SDK1: variants seen among roughly 807,000 people sequenced by gnomAD.
The protein encoded by SDK1 is sidekick cell adhesion molecule 1.
Under a neutral mutation model 245.5 loss-of-function variants are expected in SDK1, and 157 were observed. The observed-to-expected ratio is 0.64, with a 90% CI of 0.56 to 0.73. The LOEUF is 0.73. SDK1 is among the 30% of genes least tolerant of loss of function. The pLI, the probability that SDK1 is intolerant of heterozygous loss-of-function variation, is 0.00. For missense variants in SDK1, 3,583 were observed against 3,002.3 expected (o/e 1.19, Z -4.52); for synonymous variants, 1,647 against 1,278.5 (o/e 1.29, Z -6.15).
intron 1 of SDK1, among the ~76,000 whole-genome samples, chr7:3,518,556 C>G (rs1219982030): frequency 6.6e-6 from 1 of 151,814 alleles, no homozygotes; most frequent in Non-Finnish European, 1.5e-5. Context: ...AATACATATA[C>G]ATGAGCAACA....
intron 4 of SDK1, among the ~76,000 whole-genome samples, chr7:3,648,509 C>G (rs1331627213): frequency 6.6e-6 from 1 of 152,182 alleles, no homozygotes; most frequent in Non-Finnish European, 1.5e-5. Context: ...TAAACAGCAT[C>G]CCAGGTGACT....
At chr7:3,999,798 A>C (rs967683957) in intron 14 of SDK1, among the ~76,000 whole-genome samples, 3 of 152,200 alleles carry the variant, frequency 2.0e-5, no homozygotes, top group Non-Finnish European at 4.4e-5. Flanking sequence ...GAAATAGTAG[A>C]TGATGTATAA....
chr7:3,301,619 TGGCGGC>T lies in SDK1; in HGVS notation c.44_49del (p.Gly15_Gly16del), dbSNP rs957787144. 5.2e-6 allele frequency: 5 copies of T among 968,286 alleles called. No individual in the cohort carries two copies. The highest frequency in any genetic ancestry group is 6.1e-6 in the Non-Finnish European group (5 of 823,016). The allele number at this position is 968,286 out of a possible 1,614,324, so 60.0% of individuals were successfully genotyped here. A position where few individuals can be genotyped will look rare whatever the true frequency, so the allele number is the denominator to read the frequency against. ...GGGGCGCCCGGCCCTCGGCGGCCGG[TGGCGGC>T]GGCGGCGGCGCGGAGCCCCCTGAGC... On this transcript the variant is annotated inframe_deletion, in exon 1 of 45. Transcript: ENST00000404826.
chr7:4,252,596 G>A (rs955112250), intron 44 of SDK1, among the ~76,000 whole-genome samples: 191 of 152,014 alleles, frequency 1.3e-3, no homozygotes, highest in Admixed American at 1.6e-3. Context: ...ATACTTATAA[G>A]GGATATAGGT....
intron 1 of SDK1, among the ~76,000 whole-genome samples, chr7:3,596,337 C>A (rs1781062026): frequency 6.6e-6 from 1 of 152,140 alleles, no homozygotes; most frequent in African/African-American, 2.4e-5. Flanking sequence ...TCTGACAGTG[C>A]CAGTGACCAT....
intron 1 of SDK1, among the ~76,000 whole-genome samples, chr7:3,479,249 C>A (rs1480379416): frequency 6.6e-6 from 1 of 151,486 alleles, no homozygotes; most frequent in Non-Finnish European, 1.5e-5. Flanking sequence ...TGGCAAAACC[C>A]CGTCTCTACC....
intron 14 of SDK1, among the ~76,000 whole-genome samples, chr7:3,988,882 C>G (rs6962519): frequency 0.29 from 43,948 of 151,984 alleles, 6,534 homozygotes; most frequent in African/African-American, 0.34. Context: ...AGCGATTCTT[C>G]TGCCTCAGCC....
intron 19 of SDK1, among the ~76,000 whole-genome samples, chr7:4,061,094 C>A (rs948341751): frequency 1.3e-5 from 2 of 152,146 alleles, no homozygotes; most frequent in African/African-American, 4.8e-5. Context: ...CAGCTTTGTT[C>A]TTTTGGCTTA....
chr7:3,585,393 G>A lies in SDK1; in HGVS notation c.299-33687G>A, dbSNP rs1583196634. ...TGGATTTAAGAGTAGGTCTCATAGA[G>A]ATAATTGATGAAAGAATGAGCGTAT... On this transcript the variant is annotated intron_variant, in intron 1 of 44. Coordinates refer to ENST00000404826, the MANE Select transcript of SDK1 (RefSeq NM_152744.4). Among the ~76,000 whole-genome samples, 3 of 152,328 alleles carry A rather than the reference G, an allele frequency of 2.0e-5. 1 individual carries two copies. The highest frequency in any genetic ancestry group is 4.1e-4 in the South Asian group (2 of 4,828).
chr7:3,409,156 C>T (rs543970116), intron 1 of SDK1, among the ~76,000 whole-genome samples: 1 of 152,180 alleles, frequency 6.6e-6, no homozygotes, highest in Non-Finnish European at 1.5e-5. Context: ...GACACTTCTG[C>T]TTCAGATTAA....
intron 25 of SDK1, among the ~76,000 whole-genome samples, chr7:4,118,185 T>C (rs1783836522): frequency 6.6e-6 from 1 of 152,066 alleles, no homozygotes; most frequent in African/African-American, 2.4e-5. Flanking sequence ...AAATTATGTA[T>C]CTCATGAGGG....
At chr7:4,158,696 G>GA (rs1780927802) in intron 31 of SDK1, 145 bp downstream of exon 31, 2 of 616,494 alleles carry the variant, frequency 3.2e-6, no homozygotes, top group Non-Finnish European at 5.8e-6. Context: ...AGACAGCTCG[G>GA]AGGGTTTCCG....
intron 4 of SDK1, among the ~76,000 whole-genome samples, chr7:3,658,018 C>T (rs936520124): frequency 6.6e-6 from 1 of 152,186 alleles, no homozygotes; most frequent in African/African-American, 2.4e-5. Context: ...GGGTCCTGCA[C>T]AGGCCTTGGG....
At chr7:3,618,396 T>C (rs1416853863) in intron 1 of SDK1, among the ~76,000 whole-genome samples, 8 of 152,240 alleles carry the variant, frequency 5.3e-5, no homozygotes, top group Admixed American at 5.2e-4. Context: ...AACTTTTGAA[T>C]AGTAGCACAT....
At chr7:3,556,068 A>T (rs1321852359) in intron 1 of SDK1, among the ~76,000 whole-genome samples, 1 of 152,240 alleles carries the variant, frequency 6.6e-6, no homozygotes, top group African/African-American at 2.4e-5. Flanking sequence ...ACTGTTAGGT[A>T]TATATGCCAA....
chr7:3,749,835 TAGC>T (rs143038234), intron 4 of SDK1, among the ~76,000 whole-genome samples: 2,556 of 152,152 alleles, frequency 0.017, 67 homozygotes, highest in African/African-American at 0.06. Flanking sequence ...TGGTGTAAAA[TAGC>T]AGCAATAAAA....
At chr7:4,047,222 G>C (rs975001340) in intron 17 of SDK1, among the ~76,000 whole-genome samples, 31 of 151,998 alleles carry the variant, frequency 2.0e-4, no homozygotes, top group Admixed American at 1.7e-3. Flanking sequence ...AAATTTTGCC[G>C]AATGCTTTTC....
intron 44 of SDK1, among the ~76,000 whole-genome samples, chr7:4,251,063 G>A (rs956669905): frequency 2.0e-5 from 3 of 152,102 alleles, no homozygotes; most frequent in South Asian, 2.1e-4. Flanking sequence ...ATTTCATTCA[G>A]CATAATGTTT....
intron 5 of SDK1, among the ~76,000 whole-genome samples, chr7:3,879,176 T>C (rs960230299): frequency 6.6e-6 from 1 of 152,142 alleles, no homozygotes; most frequent in East Asian, 1.9e-4. Flanking sequence ...CACTGAATAT[T>C]CTTACTATTC....
Sources: gnomAD v4.1 joint callset for allele counts (sites outside exome capture counted in the v4.1 genomes callset) on GRCh38, gnomAD v4.1.1 for gene constraint, MANE v1.5 for transcripts, NCBI Gene and HGNC (gene_info 2026-07-23, HGNC 2026-07-21) for gene names.